The following FOXN3 variants were observed in gnomAD, a reference collection of about 807,000 sequenced individuals.
FOXN3 encodes forkhead box N3, also known as forkhead box protein N3.
Under a neutral mutation model 38.4 loss-of-function variants are expected in FOXN3, and 7 were observed. The ratio of observed to expected loss-of-function variants is 0.18; its 90% CI spans 0.10 to 0.34. The LOEUF (loss-of-function observed/expected upper bound fraction) is 0.34, where lower values mean the gene tolerates loss of function less well. Among genes scored for constraint, FOXN3 ranks in the 10% least tolerant of loss-of-function variants. FOXN3 has a pLI of 1.00. For missense variants in FOXN3, 456 were observed against 613.4 expected, an observed-to-expected ratio of 0.74 and a Z score of 2.71; for synonymous variants, 230 against 242.2, an observed-to-expected ratio of 0.95 and a Z score of 0.47.
At chr14:89,336,558 A>G (rs564056204) in intron 3 of FOXN3, among the ~76,000 whole-genome samples, 1 of 152,334 alleles carries the variant, frequency 6.6e-6, no homozygotes, top group African/African-American at 2.4e-5. Flanking sequence ...AGGCCGGCTC[A>G]GGTCCCAGCT....
chr14:89,341,449 C>T (rs1026551343), intron 3 of FOXN3, among the ~76,000 whole-genome samples: 4 of 152,172 alleles, frequency 2.6e-5, no homozygotes, highest in Middle Eastern at 3.2e-3. Context: ...GATCGCTTTC[C>T]TTATCAATCC....
intron 3 of FOXN3, among the ~76,000 whole-genome samples, chr14:89,318,069 C>G (rs1319889573): frequency 1.3e-5 from 2 of 151,660 alleles, no homozygotes; most frequent in African/African-American, 4.9e-5. Flanking sequence ...ATCTTATATC[C>G]CCCAACTAGC....
intron 2 of FOXN3, chr14:89,353,410 A>G (rs954365096): frequency 6.6e-6 from 1 of 151,650 alleles, no homozygotes; most frequent in African/African-American, 2.4e-5. Flanking sequence ...AGCGGTGGGA[A>G]GGGCCTCCAG....
chr14:89,164,598 C>T lies in FOXN3; in HGVS notation c.852-1629G>A, dbSNP rs769361458. Among the ~76,000 whole-genome samples, 3 of 152,142 alleles carry T rather than the reference C, an allele frequency of 2.0e-5. No homozygotes were observed. Among genetic ancestry groups the T allele is most frequent in the Admixed American group, 1.3e-4 (2 of 15,280 alleles). ...CTGCTAGGCCCCCAGTGGCTATCGC[C>T]GTGTCAGCACGGTGGACACAGCAGA... On this transcript the variant is annotated intron_variant, in intron 5 of 5. Transcript: ENST00000557258. The surrounding 1 kb of genome is among the most constrained non-coding windows in gnomAD (Gnocchi z 4.3).
intron 2 of FOXN3, among the ~76,000 whole-genome samples, chr14:89,370,874 T>C (rs560051862): frequency 6.6e-6 from 1 of 152,268 alleles, no homozygotes; most frequent in African/African-American, 2.4e-5. Context: ...ATAATGAAAC[T>C]TGTAAGTACA....
chr14:89,465,918 G>A (rs1483434073), intron 1 of FOXN3, among the ~76,000 whole-genome samples: 1 of 152,218 alleles, frequency 6.6e-6, no homozygotes, highest in African/African-American at 2.4e-5. Context: ...ATAAAACAGT[G>A]TCCTTTAAGA....
chr14:89,383,352 AG>A (rs1890710219), intron 2 of FOXN3, among the ~76,000 whole-genome samples: 1 of 152,200 alleles, frequency 6.6e-6, no homozygotes, highest in Non-Finnish European at 1.5e-5. Context: ...CTGATAGAGC[AG>A]GCAAAATGAC....
chr14:89,159,745 T>C lies in FOXN3; in HGVS notation c.*2669A>G, dbSNP rs1231357010. ...CTGGAGGTCTTTAGGCTTGGTCAGG[T>C]GACAACACAAATCAAGGTGTCGCTC... On this transcript the variant is annotated 3_prime_UTR_variant, in exon 6 of 6. Coordinates refer to ENST00000557258, the MANE Select transcript of FOXN3 (RefSeq NM_005197.4). 1 of 152,264 alleles carries C rather than the reference T, an allele frequency of 6.6e-6. No individual in the cohort carries two copies. The allele number at this position is 152,264 out of a possible 1,614,324, so 9.4% of individuals were successfully genotyped here. A position where few individuals can be genotyped will look rare whatever the true frequency, so the allele number is the denominator to read the frequency against.
intron 1 of FOXN3, among the ~76,000 whole-genome samples, chr14:89,612,320 C>G (rs1017202238): frequency 6.6e-6 from 1 of 152,190 alleles, no homozygotes; most frequent in African/African-American, 2.4e-5. Flanking sequence ...TCACCCAATA[C>G]TGCCACACTT....
At chr14:89,319,297 G>C (rs1440892026) in intron 3 of FOXN3, among the ~76,000 whole-genome samples, 1 of 152,110 alleles carries the variant, frequency 6.6e-6, no homozygotes, top group Admixed American at 6.6e-5. Flanking sequence ...TCAGCAAAAG[G>C]ATATGAAGCA....
In FOXN3 at chr14:89,457,456, G is replaced by T. The variant is rs76553307; in HGVS notation, c.-14-44966C>A. 6.8e-3 allele frequency among the ~76,000 whole-genome samples: 1,030 copies of T among 152,236 alleles called. 13 individuals carry two copies. Among genetic ancestry groups the T allele is most frequent in the African/African-American group, 0.023 (956 of 41,520 alleles). ...AGCCTAATGCTTAGGGACAAATCCT[G>T]GCTCCACCACTCTTACCGTATGACC... On this transcript the variant is annotated intron_variant, in intron 1 of 6. Transcript: ENST00000345097.
intron 4 of FOXN3, among the ~76,000 whole-genome samples, chr14:89,188,840 T>A (rs116141327): frequency 1.6e-3 from 238 of 151,634 alleles, no homozygotes; most frequent in African/African-American, 5.6e-3. Flanking sequence ...GAATGGAAGT[T>A]TATTTAAAAA....
At chr14:89,433,758 G>A (rs1414742063) in intron 1 of FOXN3, among the ~76,000 whole-genome samples, 1 of 151,164 alleles carries the variant, frequency 6.6e-6, no homozygotes, top group Non-Finnish European at 1.5e-5. Flanking sequence ...GTTGCAGTGA[G>A]CTGAGATCAC....
At chr14:89,231,772 G>A (rs893466338) in intron 4 of FOXN3, among the ~76,000 whole-genome samples, 3 of 152,128 alleles carry the variant, frequency 2.0e-5, no homozygotes, top group African/African-American at 7.2e-5. Context: ...TCTATGCTGG[G>A]GCACAAGGCA....
intron 1 of FOXN3, among the ~76,000 whole-genome samples, chr14:89,485,712 A>G (rs543615202): frequency 5.5e-4 from 84 of 152,202 alleles, no homozygotes; most frequent in African/African-American, 1.8e-3. Context: ...AGTTTCCCCA[A>G]TGGGCTCCAC....
In FOXN3 at chr14:89,511,267, CTTTCTTT is replaced by C. The variant is rs1566681383; in HGVS notation, c.-14-98784_-14-98778del. On this transcript the variant is annotated intron_variant, in intron 1 of 6. Coordinates refer to the FOXN3 transcript ENST00000345097. ...CTTTCTTTTCTTTCTTTCTTTCTTT[CTTTCTTT>C]CTTTCTTTCTTTCTTTCTTTCTTTC... is the stretch of plus-strand genomic sequence containing the variant. Among the ~76,000 whole-genome samples, 182 of 50,536 alleles carry C rather than the reference CTTTCTTT, an allele frequency of 3.6e-3. 46 individuals carry two copies. Among genetic ancestry groups the C allele is most frequent in the African/African-American group, 9.7e-3 (170 of 17,608 alleles). The allele number at this position is 50,536 out of a possible 152,430, so 33.2% of individuals were successfully genotyped here.
intron 1 of FOXN3, among the ~76,000 whole-genome samples, chr14:89,450,641 A>G (rs1868767004): frequency 6.6e-6 from 1 of 150,642 alleles, no homozygotes. Context: ...GCTGGAGTGC[A>G]GTGGCACAAT....
At chr14:89,442,602 A>C (rs1038965987) in intron 1 of FOXN3, among the ~76,000 whole-genome samples, 7 of 152,194 alleles carry the variant, frequency 4.6e-5, no homozygotes, top group Non-Finnish European at 7.3e-5. Context: ...GTGCTCTGGG[A>C]AACAACGGAT....
At chr14:89,272,096 G>A (rs1046911152) in intron 4 of FOXN3, among the ~76,000 whole-genome samples, 9 of 152,190 alleles carry the variant, frequency 5.9e-5, no homozygotes, top group Non-Finnish European at 8.8e-5. Flanking sequence ...GATCACCTGA[G>A]GTCAGGAGTT....
Sources: allele counts gnomAD v4.1 joint callset (sites outside exome capture counted in the v4.1 genomes callset), GRCh38; gene constraint gnomAD v4.1.1; non-coding constraint Gnocchi (gnomAD v3.1); transcripts MANE v1.5; gene names NCBI Gene and HGNC (gene_info 2026-07-23, HGNC 2026-07-21).